MAPDA: variants seen among roughly 807,000 people sequenced by gnomAD.
MAPDA encodes the protein N6-Methyl-AMP deaminase, also known as N6,N6-dimethyl-AMP deaminase.
the MAPDA span, among the ~76,000 whole-genome samples, chr15:43,332,761 G>C: frequency 3.9e-5 from 6 of 152,182 alleles, no homozygotes; most frequent in East Asian, 1.2e-3. Flanking sequence ...GTTCCCTTTT[G>C]GGGGAGTAGG....
At chr15:43,343,092 T>G in the MAPDA span, 1 of 1,502,828 alleles carries the variant, frequency 6.7e-7, no homozygotes, top group Non-Finnish European at 9.0e-7. Flanking sequence ...AGATTGTACC[T>G]TAGTAGTTAA....
chr15:43,340,451 C>G, the MAPDA span: 1 of 958,502 alleles, frequency 1.0e-6, no homozygotes, highest in South Asian at 1.5e-5. Context: ...AACTTTTATA[C>G]TATTGTGTTG....
At chr15:43,351,229 G>A in the MAPDA span, 14 of 558,142 alleles carry the variant, frequency 2.5e-5, no homozygotes, top group Non-Finnish European at 4.1e-5. Flanking sequence ...GGGAGACTAA[G>A]GCAGGAGAAT....
the MAPDA span, among the ~76,000 whole-genome samples, chr15:43,346,605 T>C: frequency 1.3e-5 from 2 of 152,252 alleles, no homozygotes; most frequent in Non-Finnish European, 1.5e-5. Context: ...TTGATTCTTA[T>C]GGCTTTGTCC....
chr15:43,330,973 C>T, the MAPDA span: 1 of 153,012 alleles, frequency 6.5e-6, no homozygotes, highest in Non-Finnish European at 1.5e-5. Context: ...TAGTTAGCTT[C>T]CTTGGGTGCT....
At chr15:43,345,907 T>G in the MAPDA span, 1 of 1,614,128 alleles carries the variant, frequency 6.2e-7, no homozygotes, top group South Asian at 1.1e-5. Context: ...AAGGAGACTG[T>G]AAAACTTGCC....
At chr15:43,334,882 A>G in the MAPDA span, 3 of 435,110 alleles carry the variant, frequency 6.9e-6, no homozygotes, top group Non-Finnish European at 4.1e-6. Flanking sequence ...TTTTAAAGAA[A>G]AAATTAACAA....
the MAPDA span, among the ~76,000 whole-genome samples, chr15:43,341,352 A>G: frequency 6.6e-6 from 1 of 152,232 alleles, no homozygotes; most frequent in African/African-American, 2.4e-5. Context: ...GGCTCTTTCA[A>G]TGGAGTTTTA....
At chr15:43,345,028 C>G in the MAPDA span, among the ~76,000 whole-genome samples, 1 of 152,062 alleles carries the variant, frequency 6.6e-6, no homozygotes, top group Non-Finnish European at 1.5e-5. Context: ...CCTGATCTGC[C>G]TCTGGACTAG....
At chr15:43,345,137 G>A in the MAPDA span, among the ~76,000 whole-genome samples, 7 of 152,022 alleles carry the variant, frequency 4.6e-5, no homozygotes, top group Non-Finnish European at 1.0e-4. Flanking sequence ...GGCGGATCAT[G>A]AGGTCAGGAG....
At chr15:43,345,704 A>G in the MAPDA span, 3 of 897,686 alleles carry the variant, frequency 3.3e-6, no homozygotes, top group Non-Finnish European at 5.1e-6. Context: ...ATGACAAAGT[A>G]AAATGTCATG....
At chr15:43,335,725 T>C in the MAPDA span, 4 of 1,613,494 alleles carry the variant, frequency 2.5e-6, no homozygotes, top group Non-Finnish European at 3.4e-6. Context: ...ATGGATCCAT[T>C]AGTTCTCATA....
At chr15:43,337,998 T>C in the MAPDA span, among the ~76,000 whole-genome samples, 1 of 152,212 alleles carries the variant, frequency 6.6e-6, no homozygotes, top group Non-Finnish European at 1.5e-5. Flanking sequence ...AAAGATACCA[T>C]TGAACATAGC....
chr15:43,334,634 TA>T, the MAPDA span, among the ~76,000 whole-genome samples: 1 of 14,456 alleles, frequency 6.9e-5, no homozygotes, highest in Non-Finnish European at 9.4e-5. Flanking sequence ...TCAAAAAAAT[TA>T]TATATATATA....
chr15:43,343,194 AAAAAT>A, the MAPDA span: 3 of 658,972 alleles, frequency 4.6e-6, no homozygotes, highest in African/African-American at 3.8e-5. Context: ...TATACAATAG[AAAAAT>A]AAAATCAAGG....
chr15:43,346,040 C>T, the MAPDA span: 1 of 1,601,068 alleles, frequency 6.2e-7, no homozygotes, highest in South Asian at 1.1e-5. Context: ...GGGATAAGGA[C>T]TAGCTTCGGG....
chr15:43,342,954 G>C, the MAPDA span: 1 of 1,405,958 alleles, frequency 7.1e-7, no homozygotes, highest in South Asian at 1.3e-5. Flanking sequence ...TGAAATAGTT[G>C]ATGATCTCTT....
At chr15:43,351,707 ATCCT>A in the MAPDA span, 24 of 1,486,832 alleles carry the variant, frequency 1.6e-5, no homozygotes, top group African/African-American at 4.2e-5. Context: ...TTTTTGAAAA[ATCCT>A]TCCTTTTTCA....
the MAPDA span, chr15:43,343,188 C>A: frequency 2.9e-6 from 2 of 683,304 alleles, no homozygotes; most frequent in Non-Finnish European, 4.5e-6. Context: ...TTGATTTATA[C>A]AATAGAAAAA....
Sources: gnomAD v4.1 joint callset for allele counts (sites outside exome capture counted in the v4.1 genomes callset) on GRCh38, gnomAD v4.1.1 for gene constraint, MANE v1.5 for transcripts, NCBI Gene and HGNC (gene_info 2026-07-23, HGNC 2026-07-21) for gene names.